ZRANB3: variants seen among roughly 807,000 people sequenced by gnomAD.
The protein encoded by ZRANB3 is zinc finger RANBP2-type containing 3, also known as DNA annealing helicase and endonuclease ZRANB3.
ZRANB3 carries 125 observed loss-of-function variants against 133.8 expected under a neutral mutation model. The ratio of observed to expected loss-of-function variants is 0.93; its 90% confidence interval spans 0.81 to 1.08. ZRANB3 has a LOEUF of 1.08. Ranked by LOEUF, ZRANB3 falls within the 50% of genes least tolerant of loss-of-function variation. ZRANB3 has a pLI of 0.00. For synonymous variants in ZRANB3, 387 were observed against 432.7 expected, an observed-to-expected ratio of 0.89 and a Z score of 1.31; for missense variants, 1,229 against 1,275.5, an observed-to-expected ratio of 0.96 and a Z score of 0.56.
At chr2:135,510,336 C>G (rs1262247280) in intron 1 of ZRANB3, among the ~76,000 whole-genome samples, 1 of 152,030 alleles carries the variant, frequency 6.6e-6, no homozygotes, top group Non-Finnish European at 1.5e-5. Flanking sequence ...TATCATTCCA[C>G]AAAATTGGAA....
chr2:135,307,359 C>G (rs1403493264), intron 8 of ZRANB3, among the ~76,000 whole-genome samples: 1 of 152,196 alleles, frequency 6.6e-6, no homozygotes, highest in Non-Finnish European at 1.5e-5. Context: ...AGCCACCACA[C>G]CCGGCCAGAT....
chr2:135,259,944 A>AG, intron 12 of ZRANB3, among the ~76,000 whole-genome samples: 1 of 152,314 alleles, frequency 6.6e-6, no homozygotes, highest in East Asian at 1.9e-4. Context: ...GGAGCAAAAG[A>AG]GGAAAAGAAA....
At chr2:135,319,682 G>A (rs964909522) in intron 6 of ZRANB3, among the ~76,000 whole-genome samples, 4 of 152,126 alleles carry the variant, frequency 2.6e-5, no homozygotes, top group African/African-American at 4.8e-5. Context: ...CATAAGACAC[G>A]TTCGCACTGC....
At chr2:135,478,034 T>G (rs1691576084) in intron 2 of ZRANB3, among the ~76,000 whole-genome samples, 1 of 152,108 alleles carries the variant, frequency 6.6e-6, no homozygotes, top group African/African-American at 2.4e-5. Flanking sequence ...CAGTTCAGTC[T>G]GGAAACACAC....
At chr2:135,334,677 C>T (rs935181824) in intron 6 of ZRANB3, among the ~76,000 whole-genome samples, 7 of 151,814 alleles carry the variant, frequency 4.6e-5, no homozygotes, top group African/African-American at 1.2e-4. Flanking sequence ...AGGTGGATCA[C>T]GAGGTCAGGA....
chr2:135,362,143 A>G (rs548623714), intron 3 of ZRANB3, among the ~76,000 whole-genome samples: 1 of 151,052 alleles, frequency 6.6e-6, no homozygotes, highest in Admixed American at 6.7e-5. Flanking sequence ...GCTTGCAGTG[A>G]GCTGAGATCG....
chr2:135,514,514 T>C (rs1693616463), intron 1 of ZRANB3, among the ~76,000 whole-genome samples: 2 of 152,246 alleles, frequency 1.3e-5, no homozygotes, highest in Admixed American at 6.5e-5. Flanking sequence ...ACTGCTGAAG[T>C]TGCTTATCAG....
intron 19 of ZRANB3, among the ~76,000 whole-genome samples, chr2:135,205,500 T>C (rs1192647061): frequency 6.6e-6 from 1 of 152,154 alleles, no homozygotes; most frequent in African/African-American, 2.4e-5. Flanking sequence ...AGGTGCATGC[T>C]ACCATACCCG....
chr2:135,300,594 G>A (rs1459061255), intron 8 of ZRANB3, among the ~76,000 whole-genome samples: 7 of 152,138 alleles, frequency 4.6e-5, no homozygotes, highest in African/African-American at 1.7e-4. Context: ...TTAATGAATG[G>A]CAGAAATATC....
At chr2:135,346,799 TA>T (rs1684954955) in intron 5 of ZRANB3, among the ~76,000 whole-genome samples, 1 of 152,238 alleles carries the variant, frequency 6.6e-6, no homozygotes, top group Non-Finnish European at 1.5e-5. Context: ...TTGTGACATG[TA>T]ATTCATATAC....
chr2:135,453,863 T>G (rs1690380201), intron 2 of ZRANB3, among the ~76,000 whole-genome samples: 1 of 152,226 alleles, frequency 6.6e-6, no homozygotes, highest in Non-Finnish European at 1.5e-5. Flanking sequence ...TCCACATTTT[T>G]GGGTATCTTT....
intron 2 of ZRANB3, among the ~76,000 whole-genome samples, chr2:135,444,999 A>G (rs1365310647): frequency 6.6e-6 from 1 of 152,214 alleles, no homozygotes; most frequent in Non-Finnish European, 1.5e-5. Context: ...GGTTAGCATG[A>G]AAACCCAACA....
chr2:135,217,392 T>C, intron 17 of ZRANB3, 73 bp downstream of exon 17: 2 of 1,384,338 alleles, frequency 1.4e-6, no homozygotes, highest in Middle Eastern at 1.9e-4. Flanking sequence ...TTCCAAAAGA[T>C]GCCTCAGACC....
At chr2:135,522,402 T>C (rs559373841) in intron 1 of ZRANB3, among the ~76,000 whole-genome samples, 1 of 152,306 alleles carries the variant, frequency 6.6e-6, no homozygotes, top group South Asian at 2.1e-4. Context: ...ATTCTGTCTC[T>C]TTCTAATTCC....
In ZRANB3 at chr2:135,520,353, C is replaced by A. The variant is rs1359135168; in HGVS notation, c.-8+10774G>T. ...GAGGTTACAGTGAGCCAAGTTCATG[C>A]CACTGCACTCCAGCCTGGGTGACAG... is the stretch of plus-strand genomic sequence containing the variant. On this transcript the variant is annotated intron_variant, in intron 1 of 20. Coordinates refer to ENST00000264159, the MANE Select transcript of ZRANB3 (RefSeq NM_032143.4). 2.6e-5 allele frequency among the ~76,000 whole-genome samples: 4 copies of A among 151,994 alleles called. No homozygotes were observed. The East Asian group carries it at 7.8e-4, about 29-fold the overall frequency.
chr2:135,349,442 T>A (rs539138366), intron 5 of ZRANB3, among the ~76,000 whole-genome samples: 2 of 152,326 alleles, frequency 1.3e-5, no homozygotes, highest in East Asian at 1.9e-4. Flanking sequence ...GTACTACCCA[T>A]CTCTTAGAGT....
chr2:135,410,184 T>C lies in ZRANB3; in HGVS notation c.162-19364A>G, dbSNP rs188583445. Among the ~76,000 whole-genome samples, 5 of 152,056 alleles carry C rather than the reference T, an allele frequency of 3.3e-5. No individual in the cohort carries two copies. The East Asian group carries it at 9.6e-4, about 29-fold the overall frequency. Reference sequence around the variant, plus strand: ...AAAGAGCCCCAATAGCCAAGGTAATTCTAAGCAAAAAGAACAAAGCTGGAG... The same window carrying C: ...AAAGAGCCCCAATAGCCAAGGTAATCCTAAGCAAAAAGAACAAAGCTGGAG... On this transcript the variant is annotated intron_variant, in intron 2 of 20. Transcript: ENST00000264159.
intron 2 of ZRANB3, among the ~76,000 whole-genome samples, chr2:135,426,201 C>G (rs912382007): frequency 3.3e-5 from 5 of 152,040 alleles, no homozygotes; most frequent in Admixed American, 3.3e-4. Context: ...AAAAAGCCTA[C>G]CAAGCAGAAA....
At chr2:135,366,800 C>A (rs754607063) in intron 3 of ZRANB3, among the ~76,000 whole-genome samples, 1 of 151,910 alleles carries the variant, frequency 6.6e-6, no homozygotes, top group African/African-American at 2.4e-5. Context: ...GGGTGGATCA[C>A]GAGGTCAGGA....
Sources: allele counts gnomAD v4.1 joint callset (sites outside exome capture counted in the v4.1 genomes callset), GRCh38; gene constraint gnomAD v4.1.1; transcripts MANE v1.5; gene names NCBI Gene and HGNC (gene_info 2026-07-23, HGNC 2026-07-21).